NUBPL: variants seen among roughly 807,000 people sequenced by gnomAD.
NUBPL encodes the protein iron-sulfur cluster transfer protein NUBPL.
Under a neutral mutation model 45.7 loss-of-function variants are expected in NUBPL, and 31 were observed. That is an observed-to-expected ratio of 0.68 (90% confidence interval 0.51 to 0.92). The LOEUF (loss-of-function observed/expected upper bound fraction) is 0.92. Ranked by LOEUF, NUBPL falls within the 40% of genes least tolerant of loss-of-function variation. The pLI, the probability that NUBPL is intolerant of heterozygous loss-of-function variation, is 0.00. For missense variants in NUBPL, 401 were observed against 398.7 expected (o/e 1.01, Z -0.05); for synonymous variants, 144 against 140.9 (o/e 1.02, Z -0.15).
At chr14:31,695,989 G>A (rs1013903914) in intron 6 of NUBPL, among the ~76,000 whole-genome samples, 2 of 152,108 alleles carry the variant, frequency 1.3e-5, no homozygotes, top group African/African-American at 2.4e-5. Context: ...GCTTTAAATG[G>A]GTAATTTTAT....
At chr14:31,848,000 T>C (rs1234609119) in intron 9 of NUBPL, among the ~76,000 whole-genome samples, 2 of 152,262 alleles carry the variant, frequency 1.3e-5, no homozygotes, top group Non-Finnish European at 2.9e-5. Flanking sequence ...ACATTGTAAT[T>C]TCCTAACTTA....
At chr14:31,843,136 A>G (rs1469842358) in intron 8 of NUBPL, among the ~76,000 whole-genome samples, 2 of 152,234 alleles carry the variant, frequency 1.3e-5, no homozygotes, top group Non-Finnish European at 2.9e-5. Context: ...AGACTGATAC[A>G]GCAGCCACCA....
chr14:31,821,862 A>T (rs2040023312), intron 7 of NUBPL, among the ~76,000 whole-genome samples: 1 of 152,208 alleles, frequency 6.6e-6, no homozygotes, highest in East Asian at 1.9e-4. Context: ...CTTTGAAAAG[A>T]ATGAGATCCT....
intron 10 of NUBPL, among the ~76,000 whole-genome samples, chr14:31,853,222 T>C (rs1206686113): frequency 6.6e-6 from 1 of 152,134 alleles, no homozygotes; most frequent in Non-Finnish European, 1.5e-5. Context: ...ATCCAGCTAA[T>C]TTTTTGTGTG....
intron 4 of NUBPL, among the ~76,000 whole-genome samples, chr14:31,642,442 C>G (rs1214746469): frequency 6.6e-6 from 1 of 152,076 alleles, no homozygotes; most frequent in African/African-American, 2.4e-5. Flanking sequence ...AGGAGACTGT[C>G]CTTTCCACAG....
intron 7 of NUBPL, among the ~76,000 whole-genome samples, chr14:31,813,708 C>T (rs2039861254): frequency 6.6e-6 from 1 of 152,156 alleles, no homozygotes; most frequent in Non-Finnish European, 1.5e-5. Context: ...CTGACAGACC[C>T]TGGTGTGTGA....
chr14:31,587,270 T>C (rs992269466), intron 3 of NUBPL, among the ~76,000 whole-genome samples: 12 of 152,312 alleles, frequency 7.9e-5, no homozygotes, highest in African/African-American at 2.6e-4. Flanking sequence ...CTGAATTTGA[T>C]TCCAACTCTT....
chr14:31,764,617 T>C (rs1363020861), intron 6 of NUBPL, among the ~76,000 whole-genome samples: 1 of 152,206 alleles, frequency 6.6e-6, no homozygotes, highest in African/African-American at 2.4e-5. Context: ...ATTGCAACAT[T>C]CACTTGCTCA....
chr14:31,618,902 C>T (rs746673515), intron 4 of NUBPL, among the ~76,000 whole-genome samples: 22 of 152,082 alleles, frequency 1.4e-4, no homozygotes, highest in Non-Finnish European at 2.8e-4. Context: ...AAGTGTCCCA[C>T]TATTATTGTG....
At chr14:31,594,786 A>G (rs571551283) in intron 3 of NUBPL, among the ~76,000 whole-genome samples, 34 of 152,364 alleles carry the variant, frequency 2.2e-4, no homozygotes, top group African/African-American at 7.9e-4. Flanking sequence ...ACATAAAGCT[A>G]GGCAGAAAGA....
At chr14:31,632,645 A>G (rs1228265931) in intron 4 of NUBPL, among the ~76,000 whole-genome samples, 1 of 152,208 alleles carries the variant, frequency 6.6e-6, no homozygotes, top group Non-Finnish European at 1.5e-5. Context: ...GTAGTCTTCC[A>G]TGTATGTTCT....
chr14:31,627,553 C>T (rs748173567), intron 4 of NUBPL, among the ~76,000 whole-genome samples: 10 of 151,852 alleles, frequency 6.6e-5, no homozygotes, highest in Middle Eastern at 3.4e-3. Context: ...CCGAGGCGGG[C>T]GGATCACGAG....
intron 6 of NUBPL, among the ~76,000 whole-genome samples, chr14:31,698,935 A>G (rs559086377): frequency 6.6e-6 from 1 of 151,530 alleles, no homozygotes; most frequent in African/African-American, 2.4e-5. Context: ...GCTCACTGCA[A>G]CCTCCGCCTC....
At chr14:31,776,795 C>A (rs2039105501) in intron 6 of NUBPL, among the ~76,000 whole-genome samples, 1 of 152,216 alleles carries the variant, frequency 6.6e-6, no homozygotes, top group African/African-American at 2.4e-5. Flanking sequence ...GGGGTGACAA[C>A]CACTCTAGCT....
chr14:31,771,265 A>G (rs1343379361), intron 6 of NUBPL, among the ~76,000 whole-genome samples: 1 of 152,164 alleles, frequency 6.6e-6, no homozygotes, highest in Non-Finnish European at 1.5e-5. Flanking sequence ...GGATCATGTA[A>G]GGAAAGAATA....
chr14:31,664,064 T>C (rs2036341607), intron 4 of NUBPL, among the ~76,000 whole-genome samples: 1 of 152,226 alleles, frequency 6.6e-6, no homozygotes, highest in Non-Finnish European at 1.5e-5. Context: ...ATAGGAATGC[T>C]TGTGATTTTT....
chr14:31,768,519 C>T (rs985573638), intron 6 of NUBPL, among the ~76,000 whole-genome samples: 1 of 152,144 alleles, frequency 6.6e-6, no homozygotes, highest in African/African-American at 2.4e-5. Context: ...ACCTCTGGTG[C>T]TTAACTACCA....
chr14:31,807,274 C>T (rs1282920672), intron 7 of NUBPL, among the ~76,000 whole-genome samples: 1 of 152,124 alleles, frequency 6.6e-6, no homozygotes, highest in African/African-American at 2.4e-5. Flanking sequence ...TACATACTCC[C>T]CAGCATCTGT....
At chr14:31,622,375 G>A (rs540823072) in intron 4 of NUBPL, among the ~76,000 whole-genome samples, 5 of 152,008 alleles carry the variant, frequency 3.3e-5, no homozygotes, top group African/African-American at 1.2e-4. Context: ...CGTTTTTTTG[G>A]GGGGAGAAAT....
Sources: gnomAD v4.1 joint callset for allele counts (sites outside exome capture counted in the v4.1 genomes callset) on GRCh38, gnomAD v4.1.1 for gene constraint, MANE v1.5 for transcripts, NCBI Gene and HGNC (gene_info 2026-07-23, HGNC 2026-07-21) for gene names.